Variants in MRPS23 observed in about 807,000 individuals in gnomAD.
MRPS23 encodes the protein small ribosomal subunit protein mS23.
Under a neutral mutation model 19.8 loss-of-function variants are expected in MRPS23, and 14 were observed. The ratio of observed to expected loss-of-function variants is 0.71; its 90% CI spans 0.47 to 1.11. The LOEUF (loss-of-function observed/expected upper bound fraction) is 1.11, where lower values mean the gene tolerates loss of function less well. Among genes scored for constraint, MRPS23 ranks in the 50% least tolerant of loss-of-function variants. The probability of loss-of-function intolerance (pLI) is 0.00; values close to 1 mark genes in which losing one functional copy is unlikely to be tolerated. For synonymous variants in MRPS23, 113 were observed against 89.7 expected, an observed-to-expected ratio of 1.26 and a Z score of -1.47; for missense variants, 242 against 236.7, an observed-to-expected ratio of 1.02 and a Z score of -0.15.
At position 57,835,692 on chromosome 17, in the gene MRPS23, G is replaced by A. The variant is rs1264935739; in HGVS notation, c.*4091C>T. On this transcript the variant is annotated 3_prime_UTR_variant, in exon 5 of 5. Transcript: ENST00000313608. ...TCAATTAATCCTCACAAAGCTAACT[G>A]GAAGCCAAAAAGGCAAACATTGTCC... is the stretch of plus-strand genomic sequence containing the variant. The A allele has an allele frequency of 6.6e-6, 1 of 152,118 alleles. No homozygotes were observed. Among genetic ancestry groups the A allele is most frequent in the Non-Finnish European group, 1.5e-5 (1 of 68,026 alleles). 9.4% of individuals were successfully genotyped at this position (152,118 alleles called of 1,614,324 possible).
intron 2 of MRPS23, among the ~76,000 whole-genome samples, chr17:57,844,423 A>C (rs2073759386): frequency 6.6e-6 from 1 of 151,470 alleles, no homozygotes; most frequent in Non-Finnish European, 1.5e-5. Flanking sequence ...ATATATTCTG[A>C]CAATAGTAAA....
In MRPS23 at chr17:57,840,993, A is replaced by G. The variant is rs1315963742; in HGVS notation, c.353T>C (p.Phe118Ser). ...KLGETDEEKL[F>S]VETGKALLAE... ...CAATAAAGCCTTCCCTGTTTCCACA[A>G]ATAACTTCTCTTCATCTGTTTCTCC... The change falls in exon 4 of 5, where the codon TTT becomes TCT. Residue 118 changes from phenylalanine to serine, a missense_variant. Physicochemically the swap from Phe to Ser is radical, Grantham distance 155. Transcript: ENST00000313608. 1.2e-6 allele frequency: 2 copies of G among 1,614,208 alleles called. No homozygotes were observed. The highest frequency in any genetic ancestry group is 2.2e-5 in the East Asian group (1 of 44,886).
chr17:57,847,661 C>T (rs2073785123), intron 2 of MRPS23, among the ~76,000 whole-genome samples: 1 of 41,558 alleles, frequency 2.4e-5, no homozygotes, highest in South Asian at 1.6e-3. Context: ...GACTCCATCT[C>T]GAAAAAAAAA....
In MRPS23 at chr17:57,838,287, C is replaced by G. The variant is rs1376186139; in HGVS notation, c.*1496G>C. On this transcript the variant is annotated 3_prime_UTR_variant, in exon 5 of 5. Transcript: ENST00000313608. ...CCTGGGAAACAAAGTGATACTCCATCGCAAAAAAAAAAAAAAAAAAAAAAA... is the reference window on the plus strand; with the variant it reads ...CCTGGGAAACAAAGTGATACTCCATGGCAAAAAAAAAAAAAAAAAAAAAAA... The G allele has an allele frequency of 1.4e-4, 1 of 6,908 alleles. No individual in the cohort carries two copies. Among genetic ancestry groups the G allele is most frequent in the Non-Finnish European group, 3.1e-4 (1 of 3,196 alleles). 0.4% of individuals were successfully genotyped at this position (6,908 alleles called of 1,614,324 possible).
At position 57,841,245 on chromosome 17, in the gene MRPS23, C is replaced by A. The variant is rs773234336; in HGVS notation, c.231G>T (p.Val77=). The A allele has an allele frequency of 1.9e-6, 3 of 1,613,744 alleles. No individual in the cohort carries two copies. In the East Asian group the frequency reaches 6.7e-5, roughly 36 times the overall value. Residue 77 remains valine (V), a synonymous_variant, in exon 3 of 5, where the codon GTG becomes GTT. Coordinates refer to ENST00000313608, the MANE Select transcript of MRPS23 (RefSeq NM_016070.4). ...CAAAAGCTCTTTGACCAGACCCATA[C>A]ACTGAATAAAACTTCCTAGAAAATG... is the stretch of plus-strand genomic sequence containing the variant. ...EDRIRAKFYS[V]YGSGQRAFDL... is the part of the protein sequence containing the mutation.
chr17:57,849,499 G>T (rs1412758793), intron 1 of MRPS23, 89 bp from the exon 2 acceptor site: 3 of 1,467,338 alleles, frequency 2.0e-6, no homozygotes, highest in Non-Finnish European at 2.8e-6. Flanking sequence ...GACATTAAAG[G>T]TATTATGCGG....
intron 2 of MRPS23, among the ~76,000 whole-genome samples, chr17:57,846,194 C>T (rs1350911182): frequency 2.7e-5 from 4 of 148,990 alleles, no homozygotes; most frequent in East Asian, 2.0e-4. Flanking sequence ...CCGCCCCGTC[C>T]GGGAGGGAGG....
intron 2 of MRPS23, among the ~76,000 whole-genome samples, chr17:57,842,477 T>C (rs1157280955): frequency 1.3e-5 from 2 of 152,218 alleles, no homozygotes; most frequent in African/African-American, 4.8e-5. Flanking sequence ...TCTTGCCTTA[T>C]CAGTGCCATG....
intron 2 of MRPS23, among the ~76,000 whole-genome samples, chr17:57,844,755 G>T (rs1249033179): frequency 7.8e-6 from 1 of 128,054 alleles, no homozygotes; most frequent in Non-Finnish European, 1.6e-5. Flanking sequence ...GGGAGAGAGA[G>T]AGAGAGCAAG....
At chr17:57,848,972 C>A in intron 2 of MRPS23, 1 of 452,586 alleles carries the variant, frequency 2.2e-6, no homozygotes, top group African/African-American at 2.0e-5. Flanking sequence ...TTGCAAAGAG[C>A]TTAGTACAGT....
intron 2 of MRPS23, among the ~76,000 whole-genome samples, chr17:57,842,014 CT>C (rs545289407): frequency 5.3e-5 from 8 of 149,672 alleles, no homozygotes; most frequent in South Asian, 2.1e-4. Flanking sequence ...ATAAAATTAA[CT>C]TTTTTTTTTT....
rs1193119729 is a variant in MRPS23, at chr17:57,838,497, T to C, written c.*1286A>G. 1.3e-5 allele frequency: 2 copies of C among 152,158 alleles called. No individual in the cohort carries two copies. Among genetic ancestry groups the C allele is most frequent in the African/African-American group, 2.4e-5 (1 of 41,432 alleles). 9.4% of individuals were successfully genotyped at this position (152,158 alleles called of 1,614,324 possible). On this transcript the variant is annotated 3_prime_UTR_variant, in exon 5 of 5. Transcript: ENST00000313608. The stretch of plus-strand genomic sequence containing the variant: ...GACCCCTCAATTGTTCCTCTGAGAA[T>C]AGACTGTGTCTTTCACCTGCTTTTT...
At chr17:57,841,908 T>C (rs1346184197) in intron 2 of MRPS23, among the ~76,000 whole-genome samples, 2 of 152,014 alleles carry the variant, frequency 1.3e-5, no homozygotes, top group Non-Finnish European at 2.9e-5. Context: ...GAGCGCACCA[T>C]TGCACTCCAA....
At chr17:57,844,898 A>T (rs2073763063) in intron 2 of MRPS23, among the ~76,000 whole-genome samples, 2 of 148,360 alleles carry the variant, frequency 1.3e-5, no homozygotes, top group Admixed American at 6.7e-5. Context: ...TAAATTTTTT[A>T]TTTATTTATT....
intron 2 of MRPS23, among the ~76,000 whole-genome samples, chr17:57,846,412 G>A (rs1568016789): frequency 6.6e-6 from 1 of 152,232 alleles, no homozygotes. Flanking sequence ...CCATCTGGGA[G>A]GAGTACCCAA....
At chr17:57,841,828 T>A (rs973137783) in intron 2 of MRPS23, among the ~76,000 whole-genome samples, 8 of 152,172 alleles carry the variant, frequency 5.3e-5, no homozygotes, top group African/African-American at 1.7e-4. Context: ...ATGCCTGTAG[T>A]CACAGCTACT....
chr17:57,841,202 A>C lies in MRPS23; in HGVS notation c.274T>G (p.Phe92Val), dbSNP rs2073737984. ...QRAFDLFNPNFKSTCQRFVEK... is the reference protein window; with the variant it reads ...QRAFDLFNPNVKSTCQRFVEK... The stretch of plus-strand genomic sequence containing the variant: ...GCTTACCGTTGACAGGTAGACTTGA[A>C]GTTTGGATTGAATAGATCAAAAGCT... The change falls in exon 3 of 5, where the codon TTC (phenylalanine) becomes GTC (valine). Residue 92 changes from phenylalanine to valine, a missense_variant. Coordinates refer to ENST00000313608, the MANE Select transcript of MRPS23 (RefSeq NM_016070.4). 2 of 1,614,076 alleles carry C rather than the reference A, an allele frequency of 1.2e-6. No individual in the cohort carries two copies. Among genetic ancestry groups the C allele is most frequent in the Non-Finnish European group, 1.7e-6 (2 of 1,180,044 alleles).
At chr17:57,849,182 G>A (rs553384901) in intron 2 of MRPS23, 58 bp downstream of exon 2, 24 of 1,577,678 alleles carry the variant, frequency 1.5e-5, no homozygotes, top group Non-Finnish European at 1.7e-5. Context: ...GACTGCTACC[G>A]AAACCTTCCC....
intron 4 of MRPS23, 38 bp from the exon 5 acceptor site, chr17:57,839,973 C>A: frequency 6.2e-7 from 1 of 1,607,654 alleles, no homozygotes; most frequent in South Asian, 1.1e-5. Context: ...GAGATGTTAT[C>A]ATTTTCACTC....
Sources: gnomAD v4.1 joint callset for allele counts (sites outside exome capture counted in the v4.1 genomes callset) on GRCh38, gnomAD v4.1.1 for gene constraint, MANE v1.5 for transcripts, NCBI Gene and HGNC (gene_info 2026-07-23, HGNC 2026-07-21) for gene names.